Variants in ASB15 observed in about 807,000 individuals in gnomAD.
ASB15 encodes ankyrin repeat and SOCS box containing 15, also known as ankyrin repeat and SOCS box protein 15.
In ASB15, 54 loss-of-function variants were observed where a neutral mutation model predicts 58.0. The ratio of observed to expected loss-of-function variants is 0.93; its 90% CI spans 0.75 to 1.17. The LOEUF is 1.17. Ranked by LOEUF, ASB15 falls within the 50% of genes most tolerant of loss-of-function variation. The pLI is 0.00. For missense variants in ASB15, 680 were observed against 707.4 expected, an observed-to-expected ratio of 0.96 and a Z score of 0.44; for synonymous variants, 249 against 262.4, an observed-to-expected ratio of 0.95 and a Z score of 0.50.
intron 1 of ASB15, among the ~76,000 whole-genome samples, chr7:123,593,159 G>A (rs1799590438): frequency 6.6e-6 from 1 of 151,998 alleles, no homozygotes; most frequent in South Asian, 2.1e-4. Flanking sequence ...TTGAGCCTAT[G>A]TGTGTCTTTG....
intron 1 of ASB15, among the ~76,000 whole-genome samples, chr7:123,567,256 G>T (rs563302246): frequency 6.6e-6 from 1 of 152,164 alleles, no homozygotes. Context: ...AATGTGAGTA[G>T]CAAGGGGATC....
At position 123,590,891 on chromosome 7, in the gene ASB15, G is replaced by T. The variant is rs550112446; in HGVS notation, c.-442-13141G>T. Among the ~76,000 whole-genome samples the T allele has an allele frequency of 7.9e-5, 12 of 152,234 alleles. No homozygotes were observed. The East Asian group carries it at 2.1e-3, about 27-fold the overall frequency. ...TTGAATCTATAAATTACCTTGGGCA[G>T]TATGGCCATTTTCACGATACTGATT... On this transcript the variant is annotated intron_variant, in intron 1 of 13. Transcript: ENST00000451558.
At chr7:123,582,384 C>A (rs984959744) in intron 1 of ASB15, among the ~76,000 whole-genome samples, 4 of 151,900 alleles carry the variant, frequency 2.6e-5, no homozygotes. Flanking sequence ...CCCTAGTGCA[C>A]CCCAAAGAGA....
intron 11 of ASB15, among the ~76,000 whole-genome samples, chr7:123,634,622 A>G (rs1414529876): frequency 1.3e-5 from 2 of 152,256 alleles, no homozygotes; most frequent in Admixed American, 6.5e-5. Flanking sequence ...TTAAAAACTG[A>G]TAAAAGAAAG....
intron 1 of ASB15, among the ~76,000 whole-genome samples, chr7:123,603,800 G>A (rs953017063): frequency 3.3e-5 from 5 of 152,174 alleles, no homozygotes; most frequent in Admixed American, 6.5e-5. Flanking sequence ...AGAAAACAAC[G>A]TGGGGAAAAC....
intron 1 of ASB15, among the ~76,000 whole-genome samples, chr7:123,579,126 T>C (rs1320293625): frequency 6.6e-6 from 1 of 152,042 alleles, no homozygotes; most frequent in African/African-American, 2.4e-5. Context: ...CGTATATCAT[T>C]GTTTAACTCC....
intron 1 of ASB15, among the ~76,000 whole-genome samples, chr7:123,593,290 A>C (rs1562915824): frequency 6.6e-6 from 1 of 152,068 alleles, no homozygotes; most frequent in African/African-American, 2.4e-5. Context: ...TAATATTGTT[A>C]TGTGTGAGTT....
At chr7:123,629,596 T>C (rs1159740502) in intron 10 of ASB15, among the ~76,000 whole-genome samples, 162 bp downstream of exon 10, 1 of 152,190 alleles carries the variant, frequency 6.6e-6, no homozygotes, top group Non-Finnish European at 1.5e-5. Flanking sequence ...TAAGCATAAA[T>C]CTAGCCCCCC....
chr7:123,626,445 C>T (rs1188601434), intron 8 of ASB15, among the ~76,000 whole-genome samples: 1 of 152,066 alleles, frequency 6.6e-6, no homozygotes, highest in Non-Finnish European at 1.5e-5. Context: ...GCACTCCAGC[C>T]TGGTCGACAG....
chr7:123,621,974 C>T (rs150929845), intron 7 of ASB15, among the ~76,000 whole-genome samples: 6 of 152,288 alleles, frequency 3.9e-5, no homozygotes, highest in Admixed American at 6.5e-5. Flanking sequence ...TTCCTGATGG[C>T]CTTACCCCAT....
chr7:123,607,212 T>C (rs1800191210), intron 2 of ASB15, among the ~76,000 whole-genome samples: 1 of 152,164 alleles, frequency 6.6e-6, no homozygotes, highest in Non-Finnish European at 1.5e-5. Flanking sequence ...GGGGGAAAAA[T>C]CCATCATAGT....
At chr7:123,617,361 A>C (rs1482297388) in intron 6 of ASB15, among the ~76,000 whole-genome samples, 1 of 151,994 alleles carries the variant, frequency 6.6e-6, no homozygotes, top group Non-Finnish European at 1.5e-5. Context: ...AAGCAGCTAG[A>C]AACAGATTTT....
chr7:123,596,936 G>T (rs748709604), upstream of ASB15, among the ~76,000 whole-genome samples: 32 of 152,122 alleles, frequency 2.1e-4, no homozygotes, highest in Admixed American at 5.2e-4. Flanking sequence ...ATTAGGCTTG[G>T]TTTATATTAA....
rs540229052 is a variant in ASB15 at position 123,617,825 on chromosome 7, G to T, written c.451+88G>T. Reference sequence around the variant, plus strand: ...ACCACTGTATAATGGCTAAAATTGTGATCTCAGTTCCTTCCATTCCCTGAG... The same window carrying T: ...ACCACTGTATAATGGCTAAAATTGTTATCTCAGTTCCTTCCATTCCCTGAG... On this transcript the variant is annotated intron_variant, in intron 7 of 11. Coordinates refer to ENST00000451215, the MANE Select transcript of ASB15 (RefSeq NM_001290258.2). The T allele has an allele frequency of 1.7e-5, 22 of 1,304,286 alleles. No individual in the cohort carries two copies. In the African/African-American group the frequency reaches 2.7e-4, roughly 16 times the overall value. The allele number at this position is 1,304,286 out of a possible 1,614,324, so 80.8% of individuals were successfully genotyped here.
intron 1 of ASB15, among the ~76,000 whole-genome samples, chr7:123,603,728 G>A (rs1396906040): frequency 6.6e-6 from 1 of 152,092 alleles, no homozygotes; most frequent in Non-Finnish European, 1.5e-5. Context: ...AGGCCAAATT[G>A]AAAAAATATA....
Position 123,576,178 on chromosome 7 carries a change from C to T in ASB15, c.-443+9090C>T, listed in dbSNP as rs1437069418. Among the ~76,000 whole-genome samples the T allele has an allele frequency of 7.3e-5, 11 of 149,834 alleles. No individual in the cohort carries two copies. The East Asian group carries it at 2.1e-3, about 29-fold the overall frequency. On this transcript the variant is annotated intron_variant, in intron 1 of 13. Coordinates refer to the ASB15 transcript ENST00000451558. ...TTTCATCTTCTATATTTTTTATGGTCCTGTAATCCTTCAAATTTGATTTTC... is the reference window on the plus strand; with the variant it reads ...TTTCATCTTCTATATTTTTTATGGTTCTGTAATCCTTCAAATTTGATTTTC...
chr7:123,586,596 T>A (rs997930402), intron 1 of ASB15, among the ~76,000 whole-genome samples: 2 of 151,840 alleles, frequency 1.3e-5, no homozygotes, highest in African/African-American at 4.8e-5. Context: ...TTATTGCCTG[T>A]CCTTTTGGTG....
At chr7:123,586,764 T>C (rs1472108981) in intron 1 of ASB15, among the ~76,000 whole-genome samples, 1 of 151,802 alleles carries the variant, frequency 6.6e-6, no homozygotes, top group African/African-American at 2.4e-5. Flanking sequence ...ATTTCATATA[T>C]GTGGATATCC....
At chr7:123,580,482 C>G (rs1212512271) in intron 1 of ASB15, among the ~76,000 whole-genome samples, 1 of 152,038 alleles carries the variant, frequency 6.6e-6, no homozygotes, top group African/African-American at 2.4e-5. Context: ...GGCAATTTTA[C>G]TTAACCCCCT....
Sources: gnomAD v4.1 joint callset for allele counts (sites outside exome capture counted in the v4.1 genomes callset) on GRCh38, gnomAD v4.1.1 for gene constraint, MANE v1.5 for transcripts, NCBI Gene and HGNC (gene_info 2026-07-23, HGNC 2026-07-21) for gene names.